CAST: variants seen among roughly 807,000 people sequenced by gnomAD.
The protein encoded by CAST is calpastatin, also known as MIR583 host.
Under a neutral mutation model 119.6 loss-of-function variants are expected in CAST, and 76 were observed. That is an observed-to-expected ratio of 0.64 (90% CI 0.53 to 0.77). CAST has a LOEUF of 0.77. CAST is among the 30% of genes least tolerant of loss of function. The pLI, the probability that CAST is intolerant of heterozygous loss-of-function variation, is 0.00. For missense variants in CAST, 953 were observed against 946.5 expected, an observed-to-expected ratio of 1.01 and a Z score of -0.09; for synonymous variants, 319 against 331.6, an observed-to-expected ratio of 0.96 and a Z score of 0.41.
At chr5:96,621,969 CTT>C (rs35728460) in intron 1 of CAST, among the ~76,000 whole-genome samples, 10 of 113,684 alleles carry the variant, frequency 8.8e-5, no homozygotes, top group Admixed American at 1.0e-4. Flanking sequence ...CTTTTTTTCT[CTT>C]TTTTTTTTTT....
chr5:96,633,172 C>G (rs1442812857), intron 1 of CAST, among the ~76,000 whole-genome samples: 1 of 152,092 alleles, frequency 6.6e-6, no homozygotes. Flanking sequence ...GGGGTTTCAT[C>G]ATGTTGGTCA....
At chr5:96,343,256 A>G in the CAST span, among the ~76,000 whole-genome samples, 17 of 152,156 alleles carry the variant, frequency 1.1e-4, no homozygotes, top group African/African-American at 3.9e-4. Context: ...GTAGATTGCA[A>G]TTTTCCAAAT....
chr5:96,240,711 ATGTCACCT>A, the CAST span, among the ~76,000 whole-genome samples: 12 of 145,860 alleles, frequency 8.2e-5, no homozygotes, highest in Admixed American at 7.6e-4. Context: ...CCACAAGTGC[ATGTCACCT>A]TGCCCAGCTA....
intron 1 of CAST, among the ~76,000 whole-genome samples, chr5:96,631,508 A>T (rs1433831386): frequency 7.2e-6 from 1 of 139,248 alleles, no homozygotes; most frequent in Non-Finnish European, 1.6e-5. Flanking sequence ...GCTGATGGGC[A>T]TTTAGGTTAC....
rs988552240 is a variant in CAST, at chr5:96,773,956, C to T, written c.*1340C>T. On this transcript the variant is annotated 3_prime_UTR_variant, in exon 32 of 32. Coordinates refer to ENST00000675179, the MANE Select transcript of CAST (RefSeq NM_001750.7). ...TATAAATGGCACCACATCTTGTTAA[C>T]CTCCCCCCCAAATACTCTCTGAAAG... The T allele has an allele frequency of 2.0e-5, 3 of 152,260 alleles. No homozygotes were observed. The highest frequency in any genetic ancestry group is 1.3e-4 in the Admixed American group (2 of 15,268). 9.4% of individuals were successfully genotyped at this position (152,260 alleles called of 1,614,324 possible). A position where few individuals can be genotyped will look rare whatever the true frequency, so the allele number is the denominator to read the frequency against.
the CAST span, among the ~76,000 whole-genome samples, chr5:96,437,676 G>A: frequency 6.6e-6 from 1 of 152,146 alleles, no homozygotes; most frequent in Non-Finnish European, 1.5e-5. Context: ...TAGAAATGCA[G>A]ACCCTCAGCC....
At chr5:96,731,272 GAT>G (rs1158294445) in intron 9 of CAST, among the ~76,000 whole-genome samples, 1 of 152,154 alleles carries the variant, frequency 6.6e-6, no homozygotes, top group Non-Finnish European at 1.5e-5. Flanking sequence ...AACATGAATG[GAT>G]ATGAGAAGTT....
At chr5:96,126,644 T>A in the CAST span, among the ~76,000 whole-genome samples, 2 of 152,142 alleles carry the variant, frequency 1.3e-5, no homozygotes, top group South Asian at 4.1e-4. Flanking sequence ...TTGTAAGTAT[T>A]CAAACTAGGG....
the CAST span, among the ~76,000 whole-genome samples, chr5:96,311,711 G>A: frequency 1.3e-5 from 2 of 151,794 alleles, no homozygotes; most frequent in South Asian, 4.2e-4. Flanking sequence ...TCTGACATAA[G>A]TATTGATATT....
At chr5:96,423,495 A>G in the CAST span, 2 of 1,608,476 alleles carry the variant, frequency 1.2e-6, no homozygotes, top group Non-Finnish European at 1.7e-6. Flanking sequence ...TGATAAAATT[A>G]TCATTTGCTT....
intron 1 of CAST, among the ~76,000 whole-genome samples, chr5:96,616,540 C>T (rs1747458053): frequency 6.6e-6 from 1 of 152,134 alleles, no homozygotes; most frequent in Non-Finnish European, 1.5e-5. Flanking sequence ...TCATCACACT[C>T]CATCCTCACC....
the CAST span, among the ~76,000 whole-genome samples, chr5:96,502,614 G>GTCTGTCTGTCTT: frequency 7.0e-6 from 1 of 143,178 alleles, no homozygotes; most frequent in Non-Finnish European, 1.5e-5. Context: ...AAGTTACCTA[G>GTCTGTCTGTCTT]TCTTTCTTTC....
At chr5:96,239,846 A>T in the CAST span, among the ~76,000 whole-genome samples, 1 of 151,798 alleles carries the variant, frequency 6.6e-6, no homozygotes, top group Non-Finnish European at 1.5e-5. Context: ...CTATAGTGTC[A>T]ATTCTATCTT....
At chr5:96,184,604 TG>T in the CAST span, among the ~76,000 whole-genome samples, 2 of 150,884 alleles carry the variant, frequency 1.3e-5, no homozygotes, top group African/African-American at 4.8e-5. Flanking sequence ...GAATGTGTGG[TG>T]TTTGGTTTTC....
At chr5:96,676,078 C>T (rs1750670720) in intron 2 of CAST, 1 of 152,938 alleles carries the variant, frequency 6.5e-6, no homozygotes, top group South Asian at 2.1e-4. Context: ...AACCAAATCT[C>T]CCCACTTTGA....
At chr5:96,670,792 G>C (rs141244362) in intron 1 of CAST, among the ~76,000 whole-genome samples, 1 of 152,280 alleles carries the variant, frequency 6.6e-6, no homozygotes, top group Non-Finnish European at 1.5e-5. Flanking sequence ...CACTGTGCCC[G>C]GCCTAGTTTC....
chr5:96,511,614 T>C, the CAST span, among the ~76,000 whole-genome samples: 1 of 152,212 alleles, frequency 6.6e-6, no homozygotes, highest in South Asian at 2.1e-4. Flanking sequence ...CAGGGGAAAG[T>C]CTTGGAGAAT....
the CAST span, among the ~76,000 whole-genome samples, chr5:96,269,307 T>C: frequency 1.3e-5 from 2 of 152,080 alleles, no homozygotes. Flanking sequence ...AGCTTCCAAG[T>C]ATAAAAGCAA....
At chr5:96,106,708 G>A in the CAST span, among the ~76,000 whole-genome samples, 1 of 151,772 alleles carries the variant, frequency 6.6e-6, no homozygotes, top group Non-Finnish European at 1.5e-5. Context: ...TATTGATTTG[G>A]GGTGGAGAGT....
Sources: gnomAD v4.1 joint callset for allele counts (sites outside exome capture counted in the v4.1 genomes callset) on GRCh38, gnomAD v4.1.1 for gene constraint, MANE v1.5 for transcripts, NCBI Gene and HGNC (gene_info 2026-07-23, HGNC 2026-07-21) for gene names.